SAA2: variants seen among roughly 807,000 people sequenced by gnomAD.
SAA2 encodes serum amyloid A2, also known as serum amyloid A-2 protein.
In SAA2, 5 loss-of-function variants were observed where a neutral mutation model predicts 9.1. That is an observed-to-expected ratio of 0.55 (90% CI 0.29 to 1.16). The LOEUF (loss-of-function observed/expected upper bound fraction) is 1.16, where lower values mean the gene tolerates loss of function less well. Among genes scored for constraint, SAA2 ranks in the 50% most tolerant of loss-of-function variants. The pLI, the probability that SAA2 is intolerant of heterozygous loss-of-function variation, is 0.09. For synonymous variants in SAA2, 49 were observed against 59.8 expected (o/e 0.82, Z 0.83); for missense variants, 94 against 153.8 (o/e 0.61, Z 2.06).
In SAA2 at chr11:18,247,042, C is replaced by T. The variant is rs551541501; in HGVS notation, c.91+879G>A. Among the ~76,000 whole-genome samples the T allele has an allele frequency of 6.6e-5, 10 of 152,398 alleles. No homozygotes were observed. In the South Asian group the frequency reaches 1.9e-3, roughly 28 times the overall value. On this transcript the variant is annotated intron_variant, in intron 2 of 3. Transcript: ENST00000256733. ...CTCAAGCACAGCCGGGCTCAAACCT[C>T]TGCCCTGCCACCTGCTGACTGGCAG... is the stretch of plus-strand genomic sequence containing the variant.
exon 4 of SAA2, chr11:18,239,512 T>C: frequency 2.5e-6 from 1 of 394,112 alleles, no homozygotes; most frequent in Admixed American, 4.4e-5. Flanking sequence ...CTCTTATCAC[T>C]GCTCCATTTA....
At position 18,245,918 on chromosome 11, in the gene SAA2, T is replaced by G. The variant is rs138605229; in HGVS notation, c.222A>C (p.Glu74Asp). The G allele has an allele frequency of 6.1e-3, 9,771 of 1,613,648 alleles. 3 individuals carry two copies. The highest frequency in any genetic ancestry group is 9.4e-3 in the South Asian group (857 of 91,036). ...CCAGGAGCTCCAGTTACCTGATCAC[T>G]TCTGCAGCCCAGGCACCCCCAGGTC... ...KRGPGGAWAA[E>D]VISNARENIQ... is the part of the protein sequence containing the mutation. The change falls in exon 3 of 4, where the codon GAA (glutamate) becomes GAC (aspartate). Residue 74 changes from glutamate (E) to aspartate (D), a missense_variant. By Grantham distance (45) the Glu-to-Asp change is conservative. This residue lies in a region of SAA2 where 32 missense variants were observed against 95.5 expected (regional missense o/e 0.34). Coordinates refer to ENST00000256733, the MANE Select transcript of SAA2 (RefSeq NM_030754.5).
downstream of SAA2, among the ~76,000 whole-genome samples, chr11:18,244,769 G>C (rs1857452555): frequency 6.6e-6 from 1 of 152,238 alleles, no homozygotes; most frequent in African/African-American, 2.4e-5. Context: ...TGAAAATAGA[G>C]TGGAAGAGAA....
chr11:18,241,498 G>C (rs148867487), downstream of SAA2, among the ~76,000 whole-genome samples: 2 of 152,092 alleles, frequency 1.3e-5, no homozygotes, highest in Non-Finnish European at 1.5e-5. Flanking sequence ...AGTGTCTTAG[G>C]TTAATCAACG....
intron 3 of SAA2, chr11:18,240,052 C>G (rs190627184): frequency 4.1e-5 from 61 of 1,492,584 alleles, no homozygotes; most frequent in Non-Finnish European, 5.4e-5. Context: ...AGGGTGATTT[C>G]CCAATAACCC....
intron 2 of SAA2, among the ~76,000 whole-genome samples, chr11:18,246,613 C>T (rs1364322984): frequency 3.3e-5 from 5 of 152,224 alleles, no homozygotes; most frequent in African/African-American, 1.2e-4. Flanking sequence ...CTCACTACAA[C>T]TTCCGCTTCC....
downstream of SAA2, among the ~76,000 whole-genome samples, chr11:18,245,077 G>C (rs548823719): frequency 1.3e-5 from 2 of 152,298 alleles, no homozygotes; most frequent in African/African-American, 4.8e-5. Context: ...CTAATTTGTG[G>C]AAGGGTTGAT....
At chr11:18,243,443 C>CT (rs572512598), downstream of SAA2, among the ~76,000 whole-genome samples, 63 of 152,238 alleles carry the variant, frequency 4.1e-4, no homozygotes, top group Non-Finnish European at 7.8e-4. Flanking sequence ...GCATTACAGT[C>CT]TTTTTTTACA....
chr11:18,238,304 T>A (rs1205138405), downstream of SAA2, among the ~76,000 whole-genome samples: 2 of 152,186 alleles, frequency 1.3e-5, no homozygotes, highest in African/African-American at 4.8e-5. Flanking sequence ...GGAAAATGAG[T>A]ATGTTATCTA....
At chr11:18,241,281 T>C (rs1857338194), downstream of SAA2, among the ~76,000 whole-genome samples, 1 of 152,178 alleles carries the variant, frequency 6.6e-6, no homozygotes, top group Non-Finnish European at 1.5e-5. Flanking sequence ...TATACACTGC[T>C]CATGGGAATG....
intron 3 of SAA2, chr11:18,240,086 C>A: frequency 2.2e-6 from 3 of 1,380,318 alleles, no homozygotes; most frequent in Non-Finnish European, 2.0e-6. Flanking sequence ...TGATTATATA[C>A]TATTCTTCAT....
At chr11:18,246,627 G>A (rs537251424) in intron 2 of SAA2, among the ~76,000 whole-genome samples, 1 of 152,302 alleles carries the variant, frequency 6.6e-6, no homozygotes, top group South Asian at 2.1e-4. Context: ...CGCTTCCCGG[G>A]TTCAAGTGAT....
chr11:18,247,368 T>C (rs1342802077), intron 2 of SAA2, among the ~76,000 whole-genome samples: 10 of 149,328 alleles, frequency 6.7e-5, no homozygotes, highest in African/African-American at 2.5e-4. Context: ...GCCTTAGTCA[T>C]ACTCCTATGC....
rs1857522096 is a variant in SAA2, at chr11:18,246,067, G to C, written c.92-19C>G. 1 of 1,611,514 alleles carries C rather than the reference G, an allele frequency of 6.2e-7. No homozygotes were observed. Among genetic ancestry groups the C allele is most frequent in the African/African-American group, 1.3e-5 (1 of 74,498 alleles). ...CGAGCCCCTGGAAAGGAAAGGAAAG[G>C]CAGAAGGGACATCAGGAGAACATAA... On this transcript the variant is annotated intron_variant, in intron 2 of 3. Coordinates refer to ENST00000256733, the MANE Select transcript of SAA2 (RefSeq NM_030754.5).
intron 2 of SAA2, 26 bp downstream of exon 2, chr11:18,247,895 A>G (rs1473653929): frequency 6.2e-7 from 1 of 1,613,676 alleles, no homozygotes; most frequent in Non-Finnish European, 8.5e-7. Flanking sequence ...CTCTTCAGAA[A>G]TCCTGCAAAC....
At chr11:18,239,801 A>C in exon 4 of SAA2, 1 of 965,836 alleles carries the variant, frequency 1.0e-6, no homozygotes, top group Non-Finnish European at 1.5e-6. Flanking sequence ...CTCCATCCAC[A>C]TGCTGAGGGA....
intron 2 of SAA2, among the ~76,000 whole-genome samples, chr11:18,246,625 G>A (rs1170516953): frequency 3.3e-5 from 5 of 152,158 alleles, no homozygotes; most frequent in African/African-American, 7.2e-5. Context: ...TCCGCTTCCC[G>A]GGTTCAAGTG....
In SAA2 at chr11:18,246,063, A is replaced by AAAGGC. The variant is rs1201217279; in HGVS notation, c.92-20_92-16dup. 1 of 1,612,104 alleles carries AAAGGC rather than the reference A, an allele frequency of 6.2e-7. No individual in the cohort carries two copies. Among genetic ancestry groups the AAAGGC allele is most frequent in the Non-Finnish European group, 8.5e-7 (1 of 1,179,296 alleles). ...GTCCCGAGCCCCTGGAAAGGAAAGG[A>AAAGGC]AAGGCAGAAGGGACATCAGGAGAAC... On this transcript the variant is annotated splice_polypyrimidine_tract_variant and intron_variant, in intron 2 of 3. Transcript: ENST00000256733.
chr11:18,245,625 C>T, intron 3 of SAA2, 110 bp from the exon 4 acceptor site: 1 of 1,464,956 alleles, frequency 6.8e-7, no homozygotes, highest in African/African-American at 1.4e-5. Flanking sequence ...CCCAGAAAGG[C>T]CAAGGAAGGA....
Sources: gnomAD v4.1 joint callset for allele counts (sites outside exome capture counted in the v4.1 genomes callset) on GRCh38, gnomAD v4.1.1 for gene constraint, gnomAD v4.1.1 regional missense constraint, MANE v1.5 for transcripts, NCBI Gene and HGNC (gene_info 2026-07-23, HGNC 2026-07-21) for gene names.